Variants in TBCD observed in about 807,000 individuals in gnomAD.
The protein encoded by TBCD is tubulin folding cofactor D.
In TBCD, 105 loss-of-function variants were observed where a neutral mutation model predicts 169.3. That is an observed-to-expected ratio of 0.62 (90% CI 0.53 to 0.73). The LOEUF (loss-of-function observed/expected upper bound fraction) is 0.73. Among genes scored for constraint, TBCD ranks in the 30% least tolerant of loss-of-function variants. The pLI is 0.00. For synonymous variants in TBCD, 700 were observed against 643.9 expected (o/e 1.09, Z -1.32); for missense variants, 1,444 against 1,600.1 (o/e 0.90, Z 1.66).
In TBCD at chr17:82,922,959, C is replaced by G. The variant is rs1024540382; in HGVS notation, c.2179-693C>G. Among the ~76,000 whole-genome samples the G allele has an allele frequency of 2.0e-5, 3 of 152,346 alleles. No homozygotes were observed. The highest frequency in any genetic ancestry group is 4.1e-4 in the South Asian group (2 of 4,824). On this transcript the variant is annotated intron_variant, in intron 25 of 38. Transcript: ENST00000355528. This position sits in a 1 kb window ranked among gnomAD's most constrained non-coding sequence, Gnocchi z 4.1. ...CGCGGCGGGACTGGTGACTCTCTGC[C>G]CGCTCCTGCTCTGTGCAGCAATTGC... is the stretch of plus-strand genomic sequence containing the variant.
chr17:82,937,611 AG>A (rs60794641), intron 35 of TBCD: 57,559 of 594,996 alleles, frequency 0.097, 4,605 homozygotes, highest in African/African-American at 0.33. Flanking sequence ...CCCTGGCGGG[AG>A]GGGAGGCTCC....
In TBCD at chr17:82,930,771, A is replaced by G. The variant is rs1447735346; in HGVS notation, c.3113+128A>G. On this transcript the variant is annotated intron_variant, in intron 33 of 38. Transcript: ENST00000355528. The surrounding 1 kb of genome is among the most constrained non-coding windows in gnomAD (Gnocchi z 5.2). ...AAGGGAGAAGCGAGACACACGCTGT[A>G]CCAGTTGGTGGCTCAGCGAGGAAGA... 5 of 1,428,586 alleles carry G rather than the reference A, an allele frequency of 3.5e-6. No homozygotes were observed. Among genetic ancestry groups the G allele is most frequent in the Admixed American group, 2.1e-5 (1 of 48,028 alleles). 88.5% of individuals were successfully genotyped at this position (1,428,586 alleles called of 1,614,324 possible).
At chr17:82,850,218 C>CTGTTT in intron 13 of TBCD, among the ~76,000 whole-genome samples, 1 of 137,222 alleles carries the variant, frequency 7.3e-6, no homozygotes, top group Non-Finnish European at 1.5e-5. Context: ...GTTGGCTGTG[C>CTGTTT]TGCTGTTGGC....
chr17:82,817,434 C>T (rs960984003), intron 13 of TBCD, among the ~76,000 whole-genome samples: 2 of 152,192 alleles, frequency 1.3e-5, no homozygotes, highest in African/African-American at 4.8e-5. Context: ...GTAGCTGGGG[C>T]TACAGGTATG....
intron 23 of TBCD, chr17:82,913,677 C>G (rs1396426697): frequency 1.3e-5 from 2 of 152,400 alleles, no homozygotes; most frequent in Admixed American, 6.5e-5. Context: ...AAGCGGGGCC[C>G]ATTGGGGAGG....
intron 21 of TBCD, chr17:82,908,447 G>C (rs1431356556): frequency 6.6e-6 from 3 of 453,022 alleles, no homozygotes; most frequent in African/African-American, 2.0e-5. Flanking sequence ...GGTAAAGTAT[G>C]AACTATGGAT....
rs2060966456 is a variant in TBCD at position 82,915,512 on chromosome 17, C to A, written c.2038+3723C>A. ...TCCGTCTTAGTCTCAGTGGCTCTTGCATTTCATGCTTTAGAATCAAAGGAA... is the reference window on the plus strand; with the variant it reads ...TCCGTCTTAGTCTCAGTGGCTCTTGAATTTCATGCTTTAGAATCAAAGGAA... On this transcript the variant is annotated intron_variant, in intron 23 of 38. Coordinates refer to ENST00000355528, the MANE Select transcript of TBCD (RefSeq NM_005993.5). The surrounding 1 kb of genome is among the most constrained non-coding windows in gnomAD (Gnocchi z 4.3). 6.6e-6 allele frequency among the ~76,000 whole-genome samples: 1 copy of A among 152,136 alleles called. No individual in the cohort carries two copies. The highest frequency in any genetic ancestry group is 1.5e-5 in the Non-Finnish European group (1 of 68,034).
intron 11 of TBCD, among the ~76,000 whole-genome samples, chr17:82,808,600 TCCAAGG>T (rs2051181379): frequency 1.1e-5 from 1 of 95,060 alleles, no homozygotes; most frequent in Non-Finnish European, 2.0e-5. Flanking sequence ...ATGAGGCAGG[TCCAAGG>T]GCTGGCAGGT....
chr17:82,937,716 G>T, intron 35 of TBCD: 1 of 705,646 alleles, frequency 1.4e-6, no homozygotes, highest in South Asian at 2.0e-5. Context: ...CGCTCAGGTG[G>T]ACACTGGGCA....
chr17:82,883,687 T>C (rs1243787327), intron 14 of TBCD, among the ~76,000 whole-genome samples: 11 of 152,246 alleles, frequency 7.2e-5, no homozygotes, highest in Non-Finnish European at 1.5e-4. Flanking sequence ...CTGCAGGACC[T>C]GGACAGCCCC....
chr17:82,790,760 A>G (rs141864937), intron 7 of TBCD, among the ~76,000 whole-genome samples: 1 of 152,104 alleles, frequency 6.6e-6, no homozygotes, highest in East Asian at 1.9e-4. Context: ...TCTCTTCCAC[A>G]TGGTGTCCAC....
chr17:82,932,626 G>A (rs778411181), intron 33 of TBCD, 32 bp from the exon 34 acceptor site: 2 of 1,601,472 alleles, frequency 1.2e-6, no homozygotes, highest in East Asian at 2.2e-5. Flanking sequence ...TGTTGCTGGT[G>A]TCCAGGGTCT....
chr17:82,779,129 A>T (rs962952805), intron 6 of TBCD, among the ~76,000 whole-genome samples: 1 of 151,870 alleles, frequency 6.6e-6, no homozygotes, highest in African/African-American at 2.4e-5. Flanking sequence ...CTCATGCCTC[A>T]GCCTCCCGAG....
Position 82,805,522 on chromosome 17 carries a change from G to T in TBCD, c.951-353G>T, listed in dbSNP as rs142468743. On this transcript the variant is annotated intron_variant, in intron 9 of 38. Coordinates refer to ENST00000355528, the MANE Select transcript of TBCD (RefSeq NM_005993.5). The stretch of plus-strand genomic sequence containing the variant: ...GGCAGTGGTGGCCGTTCAGGAAGGG[G>T]CTGCCAGGAGGCAGAGGGTCCCGAA... Among the ~76,000 whole-genome samples the T allele has an allele frequency of 7.6e-3, 1,164 of 152,312 alleles. 14 individuals carry two copies. Among genetic ancestry groups the T allele is most frequent in the African/African-American group, 0.027 (1,122 of 41,580 alleles).
intron 20 of TBCD, 57 bp from the exon 21 acceptor site, chr17:82,907,704 A>ACT: frequency 1.3e-6 from 2 of 1,596,326 alleles, no homozygotes; most frequent in Non-Finnish European, 1.7e-6. Flanking sequence ...CTCCGAGTGT[A>ACT]CTCGGGGTTA....
At chr17:82,892,341 C>T (rs991407133) in intron 16 of TBCD, among the ~76,000 whole-genome samples, 10 of 152,100 alleles carry the variant, frequency 6.6e-5, no homozygotes, top group Admixed American at 1.3e-4. Context: ...CAGAGTGAGC[C>T]GCAACAGCTC....
At chr17:82,824,291 C>T (rs1336393428) in intron 13 of TBCD, among the ~76,000 whole-genome samples, 1 of 151,634 alleles carries the variant, frequency 6.6e-6, no homozygotes, top group Non-Finnish European at 1.5e-5. Context: ...ACGCCATTCT[C>T]CTGCCTCAGC....
chr17:82,805,751 C>T (rs1168234866), intron 9 of TBCD, 124 bp from the exon 10 acceptor site: 2 of 1,200,594 alleles, frequency 1.7e-6, no homozygotes, highest in Admixed American at 4.5e-5. Flanking sequence ...TATCCGGTCT[C>T]TGCAAAGTGC....
chr17:82,823,099 A>G (rs543522834), intron 13 of TBCD, among the ~76,000 whole-genome samples: 1 of 152,340 alleles, frequency 6.6e-6, no homozygotes, highest in South Asian at 2.1e-4. Flanking sequence ...GGTGGATGGT[A>G]AATTCCAGGA....
Sources: allele counts gnomAD v4.1 joint callset (sites outside exome capture counted in the v4.1 genomes callset), GRCh38; gene constraint gnomAD v4.1.1; non-coding constraint Gnocchi (gnomAD v3.1); transcripts MANE v1.5; gene names NCBI Gene and HGNC (gene_info 2026-07-23, HGNC 2026-07-21).